The following NRG3 variants were observed in gnomAD, a reference collection of about 807,000 sequenced individuals.
NRG3 encodes neuregulin 3, also known as pro-neuregulin-3, membrane-bound isoform.
NRG3 carries 31 observed loss-of-function variants against 66.9 expected under a neutral mutation model. The observed-to-expected ratio is 0.46, with a 90% CI of 0.35 to 0.63. NRG3 has a LOEUF of 0.63. NRG3 is among the 20% of genes least tolerant of loss of function. NRG3 has a pLI of 0.00. For missense variants in NRG3, 910 were observed against 878.9 expected (o/e 1.04, Z -0.45); for synonymous variants, 393 against 359.4 (o/e 1.09, Z -1.06).
At position 82,649,151 on chromosome 10, in the gene NRG3, G is replaced by A. The variant is rs535088437; in HGVS notation, c.954-89426G>A. Among the ~76,000 whole-genome samples the A allele has an allele frequency of 2.6e-5, 4 of 152,220 alleles. No individual in the cohort carries two copies. In the East Asian group the frequency reaches 7.8e-4, roughly 30 times the overall value. On this transcript the variant is annotated intron_variant, in intron 2 of 8. Transcript: ENST00000372141. ...CAATTAGGCAGGTGAAGGAAATAAA[G>A]GGTATTCAATTAGGAAAAGAGGAAG...
Position 82,241,315 on chromosome 10 carries a change from C to T in NRG3, c.824-117424C>T, listed in dbSNP as rs542247060. On this transcript the variant is annotated intron_variant, in intron 1 of 8. Coordinates refer to ENST00000372141, the MANE Select transcript of NRG3 (RefSeq NM_001010848.4). ...CAAATTTCAGCTCTGACATTTCCTA[C>T]TTTGAGAATCTAGCTGAATTACAAT... Among the ~76,000 whole-genome samples the T allele has an allele frequency of 5.9e-5, 9 of 152,208 alleles. No homozygotes were observed. The South Asian group carries it at 1.9e-3, about 31-fold the overall frequency.
At chr10:82,869,686 C>A (rs919243531) in intron 4 of NRG3, among the ~76,000 whole-genome samples, 4 of 151,614 alleles carry the variant, frequency 2.6e-5, no homozygotes, top group Non-Finnish European at 5.9e-5. Context: ...CGGCTCACTG[C>A]AAGCTCCGCC....
intron 4 of NRG3, among the ~76,000 whole-genome samples, chr10:82,946,345 C>G (rs1204681908): frequency 6.6e-6 from 1 of 151,696 alleles, no homozygotes; most frequent in Non-Finnish European, 1.5e-5. Flanking sequence ...TCGAGACTAG[C>G]CTGGCCAAGA....
intron 3 of NRG3, among the ~76,000 whole-genome samples, chr10:82,753,050 G>A (rs2058938076): frequency 6.6e-6 from 1 of 152,086 alleles, no homozygotes; most frequent in South Asian, 2.1e-4. Context: ...TGAAATATAT[G>A]TACCTTTATA....
At chr10:82,305,146 C>T (rs1292852999) in intron 1 of NRG3, among the ~76,000 whole-genome samples, 2 of 151,680 alleles carry the variant, frequency 1.3e-5, no homozygotes, top group Admixed American at 1.3e-4. Context: ...AGGCGCCCAC[C>T]ACCACGCTCG....
At chr10:82,617,459 G>A (rs608009) in intron 2 of NRG3, among the ~76,000 whole-genome samples, 14,665 of 152,058 alleles carry the variant, frequency 0.096, 736 homozygotes, top group East Asian at 0.14. Context: ...TGACACCAGC[G>A]AGTTTGTGAG....
chr10:82,643,799 A>G (rs946442985), intron 2 of NRG3, among the ~76,000 whole-genome samples: 1 of 151,562 alleles, frequency 6.6e-6, no homozygotes, highest in Non-Finnish European at 1.5e-5. Flanking sequence ...CCTGGGTTCT[A>G]CTTATTCGTT....
In NRG3 at chr10:82,392,005, A is replaced by C. The variant is rs542234579; in HGVS notation, c.953+33137A>C. ...TTTCGAGCACATGCAAAAAAAAAAAAAAAAACAAAAAAAAAACCCACGAAA... is the reference window on the plus strand; with the variant it reads ...TTTCGAGCACATGCAAAAAAAAAAACAAAAACAAAAAAAAAACCCACGAAA... On this transcript the variant is annotated intron_variant, in intron 2 of 8. Transcript: ENST00000372141. 2.5e-4 allele frequency among the ~76,000 whole-genome samples: 37 copies of C among 149,064 alleles called. No individual in the cohort carries two copies. In the South Asian group the frequency reaches 6.1e-3, roughly 24 times the overall value.
chr10:82,538,525 T>C (rs564839419), intron 2 of NRG3, among the ~76,000 whole-genome samples: 1 of 152,280 alleles, frequency 6.6e-6, no homozygotes, highest in East Asian at 1.9e-4. Context: ...AAGGAAATTT[T>C]TCTGTTATCA....
intron 1 of NRG3, among the ~76,000 whole-genome samples, chr10:82,238,045 A>G (rs999867238): frequency 3.3e-5 from 5 of 152,302 alleles, no homozygotes; most frequent in Non-Finnish European, 5.9e-5. Flanking sequence ...ATTTGAAGGT[A>G]CTGATTTTAC....
chr10:82,724,210 G>C (rs1223220650), intron 2 of NRG3, among the ~76,000 whole-genome samples: 1 of 149,768 alleles, frequency 6.7e-6, no homozygotes, highest in Non-Finnish European at 1.5e-5. Context: ...TAAACCTATA[G>C]GCCTATGCTA....
intron 1 of NRG3, among the ~76,000 whole-genome samples, chr10:82,153,410 A>AC (rs2070931078): frequency 1.4e-5 from 1 of 70,318 alleles, no homozygotes; most frequent in East Asian, 6.1e-4. Context: ...ATAGTATTCC[A>AC]TTGTGTGTGT....
intron 3 of NRG3, among the ~76,000 whole-genome samples, chr10:82,749,416 A>C (rs1471361446): frequency 6.6e-6 from 1 of 152,170 alleles, no homozygotes; most frequent in African/African-American, 2.4e-5. Flanking sequence ...CAAATGCCTA[A>C]GTTTCACCAC....
At chr10:82,044,518 G>T (rs534512387) in intron 1 of NRG3, among the ~76,000 whole-genome samples, 1 of 151,906 alleles carries the variant, frequency 6.6e-6, no homozygotes, top group South Asian at 2.1e-4. Context: ...AGCGACCCCA[G>T]CTGGAAATCA....
intron 1 of NRG3, among the ~76,000 whole-genome samples, chr10:82,302,419 A>G (rs2080454581): frequency 1.3e-5 from 2 of 152,200 alleles, no homozygotes; most frequent in African/African-American, 4.8e-5. Context: ...ACATTTTGAT[A>G]GTCACATAAA....
rs377159227 is a variant in NRG3, at chr10:82,089,000, T to G, written c.823+212837T>G. 1.8e-4 allele frequency among the ~76,000 whole-genome samples: 28 copies of G among 152,152 alleles called. No homozygotes were observed. In the East Asian group the frequency reaches 4.1e-3, roughly 22 times the overall value. On this transcript the variant is annotated intron_variant, in intron 1 of 8. Transcript: ENST00000372141. ...AAAAACCAGCAGAGAAGATTTTTTTTTTTGTAAAGAATCAACAAAGTATGA... is the reference window on the plus strand; with the variant it reads ...AAAAACCAGCAGAGAAGATTTTTTTGTTTGTAAAGAATCAACAAAGTATGA...
At chr10:82,620,418 G>C (rs901355280) in intron 2 of NRG3, among the ~76,000 whole-genome samples, 3 of 152,130 alleles carry the variant, frequency 2.0e-5, no homozygotes, top group African/African-American at 7.2e-5. Context: ...GAGCTGGAGA[G>C]GGGATGGGGC....
intron 1 of NRG3, among the ~76,000 whole-genome samples, chr10:82,196,292 C>T (rs1036541585): frequency 3.9e-5 from 6 of 152,138 alleles, no homozygotes; most frequent in Non-Finnish European, 8.8e-5. Context: ...CTCAGCCTGA[C>T]ATTTGGGGTA....
intron 1 of NRG3, among the ~76,000 whole-genome samples, chr10:82,224,802 A>G (rs1023831437): frequency 1.3e-5 from 2 of 152,166 alleles, no homozygotes; most frequent in Admixed American, 1.3e-4. Flanking sequence ...GCTATTCATC[A>G]TAAGCACAGT....
Sources: gnomAD v4.1 joint callset for allele counts (sites outside exome capture counted in the v4.1 genomes callset) on GRCh38, gnomAD v4.1.1 for gene constraint, MANE v1.5 for transcripts, NCBI Gene and HGNC (gene_info 2026-07-23, HGNC 2026-07-21) for gene names.